Variants in MALRD1 observed in about 807,000 individuals in gnomAD.
MALRD1 encodes MAM and LDL receptor class A domain containing 1.
A neutral mutation model predicts 242.1 loss-of-function variants in MALRD1; 247 were observed. That is an observed-to-expected ratio of 1.02 (90% CI 0.92 to 1.13). The LOEUF is 1.13. Ranked by LOEUF, MALRD1 falls within the 50% of genes most tolerant of loss-of-function variation. The probability of loss-of-function intolerance (pLI) is 0.00; values close to 1 mark genes in which losing one functional copy is unlikely to be tolerated. For missense variants in MALRD1, 2,989 were observed against 2,533.1 expected (o/e 1.18, Z -3.86); for synonymous variants, 995 against 866.6 (o/e 1.15, Z -2.60).
At chr10:19,519,092 C>A (rs1442301565) in intron 31 of MALRD1, among the ~76,000 whole-genome samples, 1 of 151,966 alleles carries the variant, frequency 6.6e-6, no homozygotes, top group East Asian at 1.9e-4. Context: ...TTCATGTTTA[C>A]CATTACTTAA....
intron 33 of MALRD1, among the ~76,000 whole-genome samples, chr10:19,587,859 C>T (rs1271106463): frequency 6.7e-6 from 1 of 149,854 alleles, no homozygotes; most frequent in Non-Finnish European, 1.5e-5. Context: ...GTCTTGGTTA[C>T]TAGGAATGTC....
Position 19,734,335 on chromosome 10 carries a change from G to T in MALRD1, c.*98G>T. On this transcript the variant is annotated 3_prime_UTR_variant, in exon 40 of 40. Transcript: ENST00000454679. ...CTCATCTTCTACAATGGTAAAAAGA[G>T]AAAGGATTGTAAATGCCAGTGTAAT... 2.9e-6 allele frequency: 3 copies of T among 1,024,018 alleles called. No individual in the cohort carries two copies. The highest frequency in any genetic ancestry group is 4.3e-6 in the Non-Finnish European group (3 of 705,562). 63.4% of individuals were successfully genotyped at this position (1,024,018 alleles called of 1,614,324 possible).
At chr10:19,383,462 A>G (rs1217690805) in intron 26 of MALRD1, among the ~76,000 whole-genome samples, 2 of 152,244 alleles carry the variant, frequency 1.3e-5, no homozygotes, top group Non-Finnish European at 2.9e-5. Flanking sequence ...TTATGGGCAT[A>G]TGGGTCATTC....
chr10:19,690,057 GA>G (rs1363955022), intron 36 of MALRD1, among the ~76,000 whole-genome samples: 1 of 151,960 alleles, frequency 6.6e-6, no homozygotes, highest in Non-Finnish European at 1.5e-5. Context: ...TGATACACAA[GA>G]AAAACTGAAG....
At chr10:19,566,353 A>T (rs1049409592) in intron 32 of MALRD1, among the ~76,000 whole-genome samples, 1 of 129,166 alleles carries the variant, frequency 7.7e-6, no homozygotes, top group African/African-American at 2.9e-5. Context: ...GTTAGCCAGG[A>T]TGGTCTCAAT....
At chr10:19,242,728 A>G (rs1474525915) in intron 18 of MALRD1, among the ~76,000 whole-genome samples, 1 of 152,078 alleles carries the variant, frequency 6.6e-6, no homozygotes, top group East Asian at 1.9e-4. Context: ...CTTTTAAAAT[A>G]TGACATGACT....
intron 18 of MALRD1, among the ~76,000 whole-genome samples, chr10:19,243,427 GC>G (rs1838889617): frequency 6.6e-6 from 1 of 152,026 alleles, no homozygotes; most frequent in African/African-American, 2.4e-5. Flanking sequence ...GTTTGCTAAT[GC>G]CTAATTTTTA....
At chr10:19,571,610 T>A (rs1589252593) in intron 33 of MALRD1, among the ~76,000 whole-genome samples, 1 of 152,172 alleles carries the variant, frequency 6.6e-6, no homozygotes, top group Admixed American at 6.5e-5. Context: ...GAAATATAGT[T>A]GTTAAAAAAT....
chr10:19,175,326 A>C lies in MALRD1; in HGVS notation c.1949A>C (p.Lys650Thr), dbSNP rs1176603259. Residue 650 changes from lysine to threonine, a missense_variant and splice_region_variant, in exon 14 of 40, where the codon AAG (lysine) becomes ACG (threonine). Lys to Thr is a moderately conservative substitution (Grantham distance 78, BLOSUM62 -1). Coordinates refer to ENST00000454679, the MANE Select transcript of MALRD1 (RefSeq NM_001142308.3). The stretch of plus-strand genomic sequence containing the variant: ...CTACCAAGGACCAGTACACAAAGCA[A>C]GTGTAAGTTTTTCCTTGTCGTTGTT... Reference protein sequence around the residue: ...KSLPRTSTQSKFSKCDFEANS... With the variant: ...KSLPRTSTQSTFSKCDFEANS... 2 of 1,229,986 alleles carry C rather than the reference A, an allele frequency of 1.6e-6. No homozygotes were observed. Among genetic ancestry groups the C allele is most frequent in the African/African-American group, 3.1e-5 (2 of 64,350 alleles). 76.2% of individuals were successfully genotyped at this position (1,229,986 alleles called of 1,614,324 possible). A position where few individuals can be genotyped will look rare whatever the true frequency, so the allele number is the denominator to read the frequency against.
intron 4 of MALRD1, among the ~76,000 whole-genome samples, chr10:19,097,853 A>T (rs1193749034): frequency 6.6e-6 from 1 of 152,188 alleles, no homozygotes; most frequent in Non-Finnish European, 1.5e-5. Context: ...TAATTAAGAA[A>T]ATTAATCCTT....
At chr10:19,203,527 C>A (rs927502501) in intron 14 of MALRD1, among the ~76,000 whole-genome samples, 1 of 152,166 alleles carries the variant, frequency 6.6e-6, no homozygotes, top group Non-Finnish European at 1.5e-5. Flanking sequence ...GAGAATTCTG[C>A]CTTCTCGATC....
At chr10:19,413,193 T>C (rs565729378) in intron 28 of MALRD1, among the ~76,000 whole-genome samples, 1 of 152,316 alleles carries the variant, frequency 6.6e-6, no homozygotes, top group South Asian at 2.1e-4. Context: ...AGATTTTCAG[T>C]CTCTGACTTC....
At chr10:19,424,958 G>A (rs1311657664) in intron 28 of MALRD1, among the ~76,000 whole-genome samples, 3 of 151,912 alleles carry the variant, frequency 2.0e-5, no homozygotes, top group Non-Finnish European at 2.9e-5. Flanking sequence ...AAAAATAAAG[G>A]CAACAAAGGA....
At chr10:19,670,158 A>G (rs1047086285) in intron 36 of MALRD1, among the ~76,000 whole-genome samples, 1 of 152,106 alleles carries the variant, frequency 6.6e-6, no homozygotes. Context: ...AAGTTTCACT[A>G]CATGTTTCTA....
At chr10:19,444,005 A>G (rs1053243223) in intron 28 of MALRD1, among the ~76,000 whole-genome samples, 3 of 152,172 alleles carry the variant, frequency 2.0e-5, no homozygotes, top group African/African-American at 7.2e-5. Context: ...TATTGGGTGC[A>G]TATATATTTA....
At chr10:19,173,176 A>T (rs1054966617) in intron 13 of MALRD1, among the ~76,000 whole-genome samples, 2 of 152,100 alleles carry the variant, frequency 1.3e-5, no homozygotes, top group Non-Finnish European at 2.9e-5. Flanking sequence ...AATGTACCAC[A>T]TATACTTGGA....
chr10:19,691,750 T>C (rs114871680), intron 36 of MALRD1, among the ~76,000 whole-genome samples: 35 of 152,294 alleles, frequency 2.3e-4, no homozygotes, highest in African/African-American at 7.9e-4. Context: ...TGTAAGTGTC[T>C]GAGAATTTAC....
chr10:19,326,542 T>C (rs16918498), intron 22 of MALRD1, among the ~76,000 whole-genome samples: 11 of 152,084 alleles, frequency 7.2e-5, no homozygotes, highest in African/African-American at 2.7e-4. Flanking sequence ...TTTTTTTCAA[T>C]GCCTTTCAAA....
At chr10:19,515,014 A>T (rs931409817) in intron 31 of MALRD1, among the ~76,000 whole-genome samples, 13 of 152,060 alleles carry the variant, frequency 8.5e-5, no homozygotes, top group African/African-American at 3.1e-4. Flanking sequence ...CCTTATGTCC[A>T]TTCAGTGTTT....
Sources: gnomAD v4.1 joint callset for allele counts (sites outside exome capture counted in the v4.1 genomes callset) on GRCh38, gnomAD v4.1.1 for gene constraint, MANE v1.5 for transcripts, NCBI Gene and HGNC (gene_info 2026-07-23, HGNC 2026-07-21) for gene names.